ZNF888: variants seen among roughly 807,000 people sequenced by gnomAD.
ZNF888 encodes the protein zinc finger protein 888.
ZNF888 carries 5 observed loss-of-function variants against 7.2 expected under a neutral mutation model. The observed-to-expected ratio is 0.70, with a 90% CI of 0.36 to 1.46. ZNF888 has a LOEUF of 1.46. Among genes scored for constraint, ZNF888 ranks in the 40% most tolerant of loss-of-function variants. The probability of loss-of-function intolerance (pLI) is 0.03; values close to 1 mark genes in which losing one functional copy is unlikely to be tolerated. For missense variants in ZNF888, 716 were observed against 858.0 expected, an observed-to-expected ratio of 0.83 and a Z score of 2.07; for synonymous variants, 240 against 284.3, an observed-to-expected ratio of 0.84 and a Z score of 1.57.
rs2064619279 is a variant in ZNF888 at position 52,907,097 on chromosome 19, G to C, written c.1225C>G (p.Pro409Ala). ...TTGCCACACTCATTACACTTGTAAGGTTTCTCTCTAGTGTGAATTACAATA... is the reference window on the plus strand; with the variant it reads ...TTGCCACACTCATTACACTTGTAAGCTTTCTCTCTAGTGTGAATTACAATA... ...QHIVIHTREK[P>A]YKCNECGKTF... Residue 409 changes from proline to alanine, a missense_variant, in exon 5 of 5, where the codon CCT becomes GCT. By Grantham distance (27) the Pro-to-Ala change is conservative. This residue lies in a region of ZNF888 where 697 missense variants were observed against 803.4 expected (regional missense o/e 0.87). Transcript: ENST00000638862. 2.5e-6 allele frequency: 4 copies of C among 1,611,442 alleles called. No individual in the cohort carries two copies.
intron 4 of ZNF888, among the ~76,000 whole-genome samples, chr19:52,910,738 T>C (rs1459429776): frequency 1.3e-5 from 2 of 152,130 alleles, no homozygotes. Context: ...ACCTTGCTCT[T>C]GGATTTCTCC....
chr19:52,907,533 A>T lies in ZNF888; in HGVS notation c.789T>A (p.Cys263Ter). Residue 263 changes from cysteine (C) to a stop codon, truncating the protein, a stop_gained, in exon 5 of 5, where the codon TGT (cysteine) becomes TGA (stop). Transcript: ENST00000638862. LOFTEE classifies it low-confidence loss of function (END_TRUNC). ...ACATGTAAGGTTTCTCACCAGTGTG[A>T]CATCTACGATGGTGTGCAAGGTATC... ...QKRYLAHHRR[C>*]HTGEKPYMCN... 6.2e-7 allele frequency: 1 copy of T among 1,609,350 alleles called. No individual in the cohort carries two copies. The highest frequency in any genetic ancestry group is 8.5e-7 in the Non-Finnish European group (1 of 1,178,164).
chr19:52,909,631 T>C (rs983658975), intron 4 of ZNF888, among the ~76,000 whole-genome samples: 1 of 152,140 alleles, frequency 6.6e-6, no homozygotes, highest in South Asian at 2.1e-4. Context: ...ATAAAATCAA[T>C]TAATAAAATA....
intron 4 of ZNF888, among the ~76,000 whole-genome samples, chr19:52,909,468 G>A (rs1198107391): frequency 1.3e-5 from 2 of 151,722 alleles, no homozygotes; most frequent in African/African-American, 2.4e-5. Flanking sequence ...GGCTCGTCTC[G>A]AACTCCTGAC....
In ZNF888 at chr19:52,915,165, G is replaced by A. The variant is rs748721302; in HGVS notation, c.142+31C>T. On this transcript the variant is annotated intron_variant, in intron 4 of 4. Coordinates refer to ENST00000638862, the MANE Select transcript of ZNF888 (RefSeq NM_001393938.1). ...AAGAGAAAATGCAAAGATCCACAAG[G>A]GAACATCCCCAGGAAGGAAGTTATC... 3.3e-6 allele frequency: 5 copies of A among 1,518,582 alleles called. No homozygotes were observed. The South Asian group carries it at 4.8e-5, about 14-fold the overall frequency. The allele number at this position is 1,518,582 out of a possible 1,614,324, so 94.1% of individuals were successfully genotyped here.
At chr19:52,913,286 C>G (rs981631526) in intron 4 of ZNF888, among the ~76,000 whole-genome samples, 3 of 148,898 alleles carry the variant, frequency 2.0e-5, no homozygotes, top group Non-Finnish European at 3.0e-5. Context: ...AAAAGTTCTA[C>G]TGGAGAAGAA....
chr19:52,912,675 G>A (rs113563560), intron 4 of ZNF888, among the ~76,000 whole-genome samples: 49,628 of 150,650 alleles, frequency 0.33, 9,923 homozygotes, highest in African/African-American at 0.54. Flanking sequence ...GGTTGCAGTG[G>A]GCCGAGATCA....
At position 52,907,670 on chromosome 19, in the gene ZNF888, C is replaced by T; in HGVS notation, c.652G>A (p.Glu218Lys). 1 of 1,606,488 alleles carries T rather than the reference C, an allele frequency of 6.2e-7. No individual in the cohort carries two copies. The highest frequency in any genetic ancestry group is 8.5e-7 in the Non-Finnish European group (1 of 1,177,090). The change falls in exon 5 of 5, where the codon GAG becomes AAG. Residue 218 changes from glutamate to lysine, a missense_variant. Transcript: ENST00000638862. The stretch of plus-strand genomic sequence containing the variant: ...CTACAATTAAAGGATTTGCCACTCT[C>T]ATTAAATTGGAAAGATTTTTCTTTC... ...HRKEKSFQFN[E>K]SGKSFNCSSL...
chr19:52,915,679 G>T (rs1324005695), intron 3 of ZNF888, among the ~76,000 whole-genome samples: 1 of 152,018 alleles, frequency 6.6e-6, no homozygotes, highest in Non-Finnish European at 1.5e-5. Flanking sequence ...GTTTCACCAT[G>T]TTGGCCAGGA....
intron 3 of ZNF888, among the ~76,000 whole-genome samples, chr19:52,917,049 C>G (rs1227807966): frequency 6.6e-6 from 1 of 152,168 alleles, no homozygotes; most frequent in Admixed American, 6.5e-5. Context: ...ACGAGCCTCT[C>G]CATAGTAACA....
intron 3 of ZNF888, among the ~76,000 whole-genome samples, chr19:52,915,551 T>C (rs566211748): frequency 8.2e-6 from 1 of 122,598 alleles, no homozygotes; most frequent in South Asian, 2.5e-4. Context: ...CTCGGCTCAC[T>C]GCAAGCTCTA....
chr19:52,916,613 TAC>T (rs1568747304), intron 3 of ZNF888, among the ~76,000 whole-genome samples: 4 of 58,380 alleles, frequency 6.9e-5, no homozygotes, highest in Non-Finnish European at 1.3e-4. Context: ...CATATACATA[TAC>T]ATATATATAT....
At position 52,907,687 on chromosome 19, in the gene ZNF888, T is replaced by A. The variant is rs1189918990; in HGVS notation, c.635A>T (p.Lys212Ile). 1.2e-6 allele frequency: 2 copies of A among 1,607,112 alleles called. No individual in the cohort carries two copies. Among genetic ancestry groups the A allele is most frequent in the East Asian group, 4.5e-5 (2 of 44,832 alleles). ...GCCACTCTCATTAAATTGGAAAGAT[T>A]TTTCTTTCCTGTGTACATCCTGTTT... ...TQKQDVHRKE[K>I]SFQFNESGKS... Residue 212 changes from lysine (K) to isoleucine (I), a missense_variant, in exon 5 of 5, where the codon AAA becomes ATA. Physicochemically the swap from Lys to Ile is moderately radical, Grantham distance 102. Transcript: ENST00000638862.
Position 52,921,387 on chromosome 19 carries a change from G to A in ZNF888, c.-178+1982C>T, listed in dbSNP as rs535678438. Among the ~76,000 whole-genome samples the A allele has an allele frequency of 3.3e-5, 5 of 152,306 alleles. No individual in the cohort carries two copies. In the South Asian group the frequency reaches 1.0e-3, roughly 32 times the overall value. On this transcript the variant is annotated intron_variant, in intron 1 of 4. Transcript: ENST00000638862. ...GACATGACTTACTTTAGATTTAGCT[G>A]TGATGTCCTCACAGTGAAAACATTT...
At chr19:52,916,536 A>T (rs979532655) in intron 3 of ZNF888, among the ~76,000 whole-genome samples, 1 of 150,690 alleles carries the variant, frequency 6.6e-6, no homozygotes, top group African/African-American at 2.4e-5. Context: ...ATGTGTGTGT[A>T]TATGTGTGGG....
chr19:52,910,112 G>A (rs1202764329), intron 4 of ZNF888, among the ~76,000 whole-genome samples: 6 of 132,388 alleles, frequency 4.5e-5, no homozygotes, highest in African/African-American at 1.1e-4. Flanking sequence ...CTGCACCATC[G>A]CACTCCAACC....
intron 1 of ZNF888, among the ~76,000 whole-genome samples, chr19:52,922,452 G>C (rs1173187568): frequency 6.6e-6 from 1 of 151,956 alleles, no homozygotes; most frequent in Non-Finnish European, 1.5e-5. Flanking sequence ...TCATTCTCAT[G>C]AGCCTTTCTG....
intron 1 of ZNF888, chr19:52,921,722 A>G (rs1325390937): frequency 3.5e-6 from 3 of 850,458 alleles, no homozygotes; most frequent in Non-Finnish European, 4.2e-6. Context: ...GAGTTCAGCA[A>G]TTGTAGACCA....
At chr19:52,913,663 T>C (rs1278294970) in intron 4 of ZNF888, 2 of 936,658 alleles carry the variant, frequency 2.1e-6, no homozygotes, top group African/African-American at 1.8e-5. Context: ...ATACTATAAG[T>C]TTAAGATGTT....
Sources: gnomAD v4.1 joint callset for allele counts (sites outside exome capture counted in the v4.1 genomes callset) on GRCh38, gnomAD v4.1.1 for gene constraint, gnomAD v4.1.1 regional missense constraint, MANE v1.5 for transcripts, NCBI Gene and HGNC (gene_info 2026-07-23, HGNC 2026-07-21) for gene names.